The following DIP2C variants were observed in gnomAD, a reference collection of about 807,000 sequenced individuals.
DIP2C encodes disco-interacting protein 2 homolog C.
In DIP2C, 33 loss-of-function variants were observed where a neutral mutation model predicts 192.4. The ratio of observed to expected loss-of-function variants is 0.17; its 90% CI spans 0.13 to 0.23. DIP2C has a LOEUF of 0.23. DIP2C is among the 10% of genes least tolerant of loss of function. The probability of loss-of-function intolerance (pLI) is 1.00; values close to 1 mark genes in which losing one functional copy is unlikely to be tolerated. For synonymous variants in DIP2C, 979 were observed against 864.1 expected, an observed-to-expected ratio of 1.13 and a Z score of -2.33; for missense variants, 1,537 against 2,110.1, an observed-to-expected ratio of 0.73 and a Z score of 5.32.
chr10:359,881 G>A (rs1244763741), intron 22 of DIP2C, among the ~76,000 whole-genome samples: 2 of 152,130 alleles, frequency 1.3e-5, no homozygotes, highest in South Asian at 2.1e-4. Flanking sequence ...CTGGCCTCCC[G>A]CATTGCTGGG....
intron 1 of DIP2C, among the ~76,000 whole-genome samples, chr10:670,328 ACATGCG>A (rs1217658140): frequency 6.6e-6 from 1 of 152,208 alleles, no homozygotes; most frequent in Non-Finnish European, 1.5e-5. Flanking sequence ...ATACACATGC[ACATGCG>A]CACGCGTACA....
chr10:611,771 G>C (rs371978367), intron 1 of DIP2C, among the ~76,000 whole-genome samples: 18 of 152,290 alleles, frequency 1.2e-4, no homozygotes, highest in South Asian at 2.1e-4. Context: ...TCCCAGATCT[G>C]AGCCTGGCCC....
chr10:681,732 T>C (rs1345696011), intron 1 of DIP2C, among the ~76,000 whole-genome samples: 1 of 152,248 alleles, frequency 6.6e-6, no homozygotes, highest in East Asian at 1.9e-4. Flanking sequence ...GTGTTATTTG[T>C]TTTATGAACT....
Position 611,644 on chromosome 10 carries a change from AAAC to A in DIP2C, c.85+77847_85+77849del, listed in dbSNP as rs143982394. On this transcript the variant is annotated intron_variant, in intron 1 of 36. Transcript: ENST00000280886. Reference sequence around the variant, plus strand: ...TGCACTTCCCTTGCTCTGAACAATTAAACATCTTAAGCTTCCTTTTTTTCCATC... The same window carrying A: ...TGCACTTCCCTTGCTCTGAACAATTAATCTTAAGCTTCCTTTTTTTCCATC... Among the ~76,000 whole-genome samples the A allele has an allele frequency of 7.1e-3, 1,079 of 152,312 alleles. 10 individuals are homozygous for A. The highest frequency in any genetic ancestry group is 0.018 in the African/African-American group (765 of 41,558).
At chr10:688,027 G>A (rs979876426) in intron 1 of DIP2C, among the ~76,000 whole-genome samples, 3 of 152,206 alleles carry the variant, frequency 2.0e-5, no homozygotes, top group African/African-American at 7.2e-5. Flanking sequence ...CGCAAGCCGG[G>A]AAACCTACCC....
intron 2 of DIP2C, among the ~76,000 whole-genome samples, chr10:476,819 A>C (rs951150466): frequency 6.6e-6 from 1 of 152,130 alleles, no homozygotes; most frequent in Non-Finnish European, 1.5e-5. Context: ...AAAACACGGA[A>C]ACTGCTAAAA....
At chr10:463,900 T>C (rs1969992723) in intron 3 of DIP2C, among the ~76,000 whole-genome samples, 1 of 152,198 alleles carries the variant, frequency 6.6e-6, no homozygotes, top group African/African-American at 2.4e-5. Context: ...GGGGAAATTA[T>C]TCCCTATTTA....
At chr10:575,574 G>A (rs888741206) in intron 1 of DIP2C, among the ~76,000 whole-genome samples, 1 of 152,188 alleles carries the variant, frequency 6.6e-6, no homozygotes, top group Non-Finnish European at 1.5e-5. Flanking sequence ...GGGCACGTGT[G>A]ATCCTTGCAA....
intron 1 of DIP2C, among the ~76,000 whole-genome samples, chr10:575,862 C>T (rs1317495234): frequency 2.0e-5 from 3 of 152,210 alleles, no homozygotes; most frequent in Non-Finnish European, 4.4e-5. Context: ...AAACGTGCAA[C>T]AATGAGAAAC....
At chr10:310,134 G>A in intron 31 of DIP2C, 42 bp from the exon 32 acceptor site, 3 of 1,543,740 alleles carry the variant, frequency 1.9e-6, no homozygotes, top group Non-Finnish European at 2.7e-6. Flanking sequence ...TTTACATGGA[G>A]GGAGATTGGG....
intron 1 of DIP2C, among the ~76,000 whole-genome samples, chr10:600,844 G>A (rs1267772533): frequency 6.6e-6 from 1 of 152,244 alleles, no homozygotes; most frequent in African/African-American, 2.4e-5. Flanking sequence ...AAGAGAATCA[G>A]GTCTTTGGCC....
chr10:376,380 A>G (rs1024811191), intron 17 of DIP2C, among the ~76,000 whole-genome samples: 1 of 151,720 alleles, frequency 6.6e-6, no homozygotes, highest in African/African-American at 2.4e-5. Flanking sequence ...GGTGGTGCTC[A>G]TCCCACACAC....
chr10:343,275 C>A (rs918065034), intron 28 of DIP2C, among the ~76,000 whole-genome samples: 2 of 152,308 alleles, frequency 1.3e-5, no homozygotes, highest in Non-Finnish European at 2.9e-5. Context: ...GGCAACAGAG[C>A]AAGACTCCAT....
chr10:312,177 G>A (rs1344175389), intron 31 of DIP2C, among the ~76,000 whole-genome samples: 2 of 152,178 alleles, frequency 1.3e-5, no homozygotes, highest in Non-Finnish European at 2.9e-5. Context: ...GTGCTCTGTT[G>A]CTGTTCCCCA....
At chr10:578,763 T>C (rs562401979) in intron 1 of DIP2C, among the ~76,000 whole-genome samples, 3 of 151,970 alleles carry the variant, frequency 2.0e-5, no homozygotes, top group East Asian at 3.9e-4. Context: ...TGTACACACA[T>C]CCAACTACAT....
chr10:514,423 G>C (rs1021938306), intron 1 of DIP2C, among the ~76,000 whole-genome samples: 3 of 152,218 alleles, frequency 2.0e-5, no homozygotes, highest in Non-Finnish European at 2.9e-5. Flanking sequence ...GCCGGGAACA[G>C]TTCCAGGCGT....
rs538976173 is a variant in DIP2C, at chr10:555,479, A to G, written c.86-68949T>C. Among the ~76,000 whole-genome samples, 227 of 152,184 alleles carry G rather than the reference A, an allele frequency of 1.5e-3. 1 individual carries two copies. The highest frequency in any genetic ancestry group is 2.9e-3 in the Non-Finnish European group (194 of 67,984). On this transcript the variant is annotated intron_variant, in intron 1 of 36. Transcript: ENST00000280886. ...CCCTGGGTGACCAGGCACACCCCCA[A>G]TCTCCTTGGAACCCCAGCATGCGGG...
chr10:553,396 G>A (rs1168059496), intron 1 of DIP2C, among the ~76,000 whole-genome samples: 2 of 152,206 alleles, frequency 1.3e-5, no homozygotes, highest in Non-Finnish European at 2.9e-5. Flanking sequence ...AGTCCCTCAA[G>A]CCCTTCGTGA....
intron 13 of DIP2C, among the ~76,000 whole-genome samples, chr10:389,160 G>A (rs1365650176): frequency 3.3e-5 from 5 of 151,044 alleles, no homozygotes; most frequent in Non-Finnish European, 5.9e-5. Context: ...GTTCTCTGGG[G>A]TCTCAAAGGG....
Sources: allele counts gnomAD v4.1 joint callset (sites outside exome capture counted in the v4.1 genomes callset), GRCh38; gene constraint gnomAD v4.1.1; transcripts MANE v1.5; gene names NCBI Gene and HGNC (gene_info 2026-07-23, HGNC 2026-07-21).